Variants in SPATA18 observed in about 807,000 individuals in gnomAD.
SPATA18 encodes the protein mitochondria-eating protein.
A neutral mutation model predicts 68.1 loss-of-function variants in SPATA18; 54 were observed. That is an observed-to-expected ratio of 0.79 (90% confidence interval 0.64 to 0.99). The LOEUF is 0.99. Among genes scored for constraint, SPATA18 ranks in the 50% least tolerant of loss-of-function variants. SPATA18 has a pLI of 0.00. For missense variants in SPATA18, 724 were observed against 681.1 expected (o/e 1.06, Z -0.70); for synonymous variants, 242 against 244.8 (o/e 0.99, Z 0.11).
chr4:52,066,094 C>A (rs1053426051), intron 4 of SPATA18, among the ~76,000 whole-genome samples: 47 of 152,250 alleles, frequency 3.1e-4, no homozygotes, highest in African/African-American at 1.0e-3. Flanking sequence ...AACCACCATC[C>A]GTTTTCCACT....
At chr4:52,057,604 T>C (rs1163548821) in intron 1 of SPATA18, among the ~76,000 whole-genome samples, 2 of 152,168 alleles carry the variant, frequency 1.3e-5, no homozygotes, top group African/African-American at 4.8e-5. Context: ...AATTATTGTG[T>C]ACCTCTTTTA....
intron 1 of SPATA18, among the ~76,000 whole-genome samples, chr4:52,058,657 C>T (rs1375519093): frequency 6.6e-6 from 1 of 152,144 alleles, no homozygotes; most frequent in African/African-American, 2.4e-5. Flanking sequence ...TCAAGGGTCC[C>T]CTCCACAGAG....
intron 11 of SPATA18, among the ~76,000 whole-genome samples, chr4:52,087,705 A>T (rs754048909): frequency 2.0e-5 from 3 of 152,274 alleles, no homozygotes; most frequent in Middle Eastern, 3.4e-3. Context: ...AGGTAGCGTG[A>T]TGCCTCTAGC....
At chr4:52,080,653 T>TCA (rs1396612233) in intron 9 of SPATA18, among the ~76,000 whole-genome samples, 1 of 152,164 alleles carries the variant, frequency 6.6e-6, no homozygotes, top group African/African-American at 2.4e-5. Context: ...TTCAGCTCCA[T>TCA]CACCTATTAG....
chr4:52,083,647 A>T (rs1397003687), intron 10 of SPATA18, among the ~76,000 whole-genome samples: 1 of 151,772 alleles, frequency 6.6e-6, no homozygotes, highest in South Asian at 2.1e-4. Flanking sequence ...TGGGAGGCTG[A>T]GGAGGGAGGA....
chr4:52,070,048 A>C, intron 5 of SPATA18, 132 bp downstream of exon 5: 1 of 240,230 alleles, frequency 4.2e-6, no homozygotes, highest in Non-Finnish European at 7.5e-6. Flanking sequence ...AATTATATAT[A>C]TATATATATT....
chr4:52,075,217 T>C (rs1399509347), intron 6 of SPATA18, among the ~76,000 whole-genome samples: 1 of 152,014 alleles, frequency 6.6e-6, no homozygotes, highest in Non-Finnish European at 1.5e-5. Flanking sequence ...GTTTTGGACA[T>C]TTTCTTCTCT....
intron 3 of SPATA18, among the ~76,000 whole-genome samples, chr4:52,062,015 T>C (rs1738896827): frequency 6.6e-6 from 1 of 152,210 alleles, no homozygotes; most frequent in African/African-American, 2.4e-5. Flanking sequence ...TCTCCATCAC[T>C]CTAGAGCATT....
chr4:52,094,868 T>C lies in SPATA18; in HGVS notation c.1610-12T>C. 1.2e-6 allele frequency: 2 copies of C among 1,613,972 alleles called. No homozygotes were observed. The highest frequency in any genetic ancestry group is 1.7e-6 in the Non-Finnish European group (2 of 1,179,920). ...GTGACCATAATAATGAACTGTCTAT[T>C]TTTCTCCCTAGGATTTTAAAAGCAC... On this transcript the variant is annotated splice_polypyrimidine_tract_variant and intron_variant, in intron 12 of 12. Transcript: ENST00000295213.
At position 52,051,688 on chromosome 4, in the gene SPATA18, G is replaced by T. The variant is rs945111447; in HGVS notation, c.-17G>T. The stretch of plus-strand genomic sequence containing the variant: ...AGTCTCCATCGCGCAGCGTGGGGCC[G>T]AGAGGAATAGTGAGCGATGGCGGAA... On this transcript the variant is annotated 5_prime_UTR_variant, in exon 1 of 13. Coordinates refer to ENST00000295213, the MANE Select transcript of SPATA18 (RefSeq NM_145263.4). 6.2e-7 allele frequency: 1 copy of T among 1,613,602 alleles called. No individual in the cohort carries two copies. Among genetic ancestry groups the T allele is most frequent in the Non-Finnish European group, 8.5e-7 (1 of 1,179,478 alleles).
chr4:52,086,934 C>G (rs534694622), intron 11 of SPATA18, among the ~76,000 whole-genome samples: 1 of 152,264 alleles, frequency 6.6e-6, no homozygotes, highest in African/African-American at 2.4e-5. Context: ...TGTGTTGTTT[C>G]CTGACTTTTT....
intron 6 of SPATA18, 65 bp from the exon 7 acceptor site, chr4:52,076,714 T>C (rs1206526393): frequency 2.5e-5 from 39 of 1,588,208 alleles, no homozygotes; most frequent in Non-Finnish European, 2.5e-5. Flanking sequence ...GGCCACCAGA[T>C]GATCTTTGCT....
At chr4:52,075,755 C>T (rs1239553606) in intron 6 of SPATA18, among the ~76,000 whole-genome samples, 4 of 152,190 alleles carry the variant, frequency 2.6e-5, no homozygotes, top group Non-Finnish European at 5.9e-5. Context: ...ATCAGCGGCC[C>T]GGTATTGCCA....
At chr4:52,077,160 C>G in intron 7 of SPATA18, 120 bp downstream of exon 7, 9 of 1,035,276 alleles carry the variant, frequency 8.7e-6, no homozygotes, top group Non-Finnish European at 1.1e-5. Flanking sequence ...GGGGGAGATT[C>G]CAGTCTCCCC....
intron 4 of SPATA18, among the ~76,000 whole-genome samples, chr4:52,064,183 C>CTACA (rs1553944995): frequency 6.9e-6 from 1 of 145,976 alleles, no homozygotes; most frequent in Non-Finnish European, 1.5e-5. Flanking sequence ...CCTTCTCTTT[C>CTACA]TATATATATA....
rs201344028 is a variant in SPATA18 at position 52,051,821 on chromosome 4, C to T, written c.87+30C>T. 6 of 1,599,880 alleles carry T rather than the reference C, an allele frequency of 3.8e-6. No homozygotes were observed. In the East Asian group the frequency reaches 6.7e-5, roughly 18 times the overall value. Reference sequence around the variant, plus strand: ...GTCTGGGTGAAAAACCCCCGGGGTTCGCCCTCCCATAGGTTCCAGCACAGC... The same window carrying T: ...GTCTGGGTGAAAAACCCCCGGGGTTTGCCCTCCCATAGGTTCCAGCACAGC... On this transcript the variant is annotated intron_variant, in intron 1 of 12. Transcript: ENST00000295213.
intron 4 of SPATA18, among the ~76,000 whole-genome samples, chr4:52,065,133 AT>A (rs199733690): frequency 1.5e-4 from 22 of 147,874 alleles, no homozygotes; most frequent in Admixed American, 1.1e-3. Context: ...TTTCTTGCTG[AT>A]TTTTTTTTGC....
Position 52,094,536 on chromosome 4 carries a change from A to G in SPATA18, c.1573A>G (p.Ser525Gly). 6.2e-7 allele frequency: 1 copy of G among 1,613,430 alleles called. No homozygotes were observed. The highest frequency in any genetic ancestry group is 8.5e-7 in the Non-Finnish European group (1 of 1,179,624). The stretch of plus-strand genomic sequence containing the variant: ...CTTTTATATTTTCCAGATGTCTCGA[A>G]GTCGGAGTCCTTCTCCAATAAGATG... ...SQIGLNTMSRSRSPSPIRCGL... is the reference protein window; with the variant it reads ...SQIGLNTMSRGRSPSPIRCGL... Residue 525 changes from serine (S) to glycine (G), a missense_variant, in exon 12 of 13, where the codon AGT becomes GGT. Physicochemically the swap from Ser to Gly is moderately conservative, Grantham distance 56 (BLOSUM62 0). Coordinates refer to ENST00000295213, the MANE Select transcript of SPATA18 (RefSeq NM_145263.4).
Position 52,095,015 on chromosome 4 carries a change from C to T in SPATA18, c.*128C>T. On this transcript the variant is annotated 3_prime_UTR_variant, in exon 13 of 13. Coordinates refer to ENST00000295213, the MANE Select transcript of SPATA18 (RefSeq NM_145263.4). ...GTCAAAAGGCAATTCTGTGTATCAC[C>T]CCACACAGAGAGTTAAATGTTTTGG... 2 of 1,086,800 alleles carry T rather than the reference C, an allele frequency of 1.8e-6. No homozygotes were observed. Among genetic ancestry groups the T allele is most frequent in the South Asian group, 2.6e-5 (2 of 78,300 alleles). 67.3% of individuals were successfully genotyped at this position (1,086,800 alleles called of 1,614,324 possible). A position where few individuals can be genotyped will look rare whatever the true frequency, so the allele number is the denominator to read the frequency against.
Sources: gnomAD v4.1 joint callset for allele counts (sites outside exome capture counted in the v4.1 genomes callset) on GRCh38, gnomAD v4.1.1 for gene constraint, MANE v1.5 for transcripts, NCBI Gene and HGNC (gene_info 2026-07-23, HGNC 2026-07-21) for gene names.